Variants in ZC3H12B observed in about 807,000 individuals in gnomAD.
The protein encoded by ZC3H12B is zinc finger CCCH-type containing 12B.
ZC3H12B carries 7 observed loss-of-function variants against 43.9 expected under a neutral mutation model. The observed-to-expected ratio is 0.16, with a 90% CI of 0.09 to 0.30. ZC3H12B has a LOEUF of 0.30. Ranked by LOEUF, ZC3H12B falls within the 10% of genes least tolerant of loss-of-function variation. The pLI, the probability that ZC3H12B is intolerant of heterozygous loss-of-function variation, is 1.00. For missense variants in ZC3H12B, 475 were observed against 670.2 expected (o/e 0.71, Z 3.22); for synonymous variants, 222 against 241.7 (o/e 0.92, Z 0.76).
chrX:65,259,057 G>GA, the ZC3H12B span, among the ~76,000 whole-genome samples: 1 of 111,797 alleles, frequency 8.9e-6, no homozygotes, highest in South Asian at 3.7e-4. Context: ...TACAGAATTA[G>GA]AAAAAAATTA....
At chrX:65,059,983 A>T in the ZC3H12B span, among the ~76,000 whole-genome samples, 1 of 111,764 alleles carries the variant, frequency 8.9e-6, no homozygotes, top group South Asian at 3.7e-4. Flanking sequence ...GGCTATCGTA[A>T]ATGGATTACT....
the ZC3H12B span, among the ~76,000 whole-genome samples, chrX:65,143,243 G>GT: frequency 1.7e-4 from 19 of 110,745 alleles, no homozygotes; most frequent in Non-Finnish European, 3.0e-4. Flanking sequence ...TATTCTTAAG[G>GT]TTTTTTTGTT....
At chrX:65,125,814 C>T in the ZC3H12B span, among the ~76,000 whole-genome samples, 10 of 110,880 alleles carry the variant, frequency 9.0e-5, no homozygotes, top group African/African-American at 3.3e-4. Context: ...TGTCCATTTG[C>T]GTGGAATATC....
chrX:65,163,203 G>C, the ZC3H12B span, among the ~76,000 whole-genome samples: 1 of 111,506 alleles, frequency 9.0e-6, no homozygotes, highest in Admixed American at 9.5e-5. Flanking sequence ...CAGTTAGGTT[G>C]CTCGGGGGTC....
chrX:65,153,263 T>G, the ZC3H12B span, among the ~76,000 whole-genome samples: 1 of 111,762 alleles, frequency 8.9e-6, no homozygotes, highest in African/African-American at 3.2e-5. Flanking sequence ...AGCTTCTGCA[T>G]AGCAAAAGAA....
upstream of ZC3H12B, among the ~76,000 whole-genome samples, chrX:65,363,083 G>A (rs1272775619): frequency 9.0e-6 from 1 of 111,438 alleles, no homozygotes; most frequent in African/African-American, 3.3e-5. Flanking sequence ...CTGCTGCAAG[G>A]CTTCAGGGAC....
chrX:65,478,795 A>G (rs1412886588), intron 3 of ZC3H12B, among the ~76,000 whole-genome samples: 2 of 112,183 alleles, frequency 1.8e-5, no homozygotes, highest in Non-Finnish European at 3.8e-5. Context: ...GGGACTTTTC[A>G]GGTCTTCCAT....
the ZC3H12B span, among the ~76,000 whole-genome samples, chrX:65,120,318 T>G: frequency 9.0e-6 from 1 of 111,670 alleles, no homozygotes; most frequent in East Asian, 2.8e-4. Context: ...CCTCTTTTAT[T>G]TCATTGAGCA....
the ZC3H12B span, among the ~76,000 whole-genome samples, chrX:65,239,113 T>A: frequency 8.9e-6 from 1 of 112,001 alleles, no homozygotes. Flanking sequence ...AGAGGTGAGT[T>A]CAGATCCTGA....
chrX:65,054,233 T>A, the ZC3H12B span, among the ~76,000 whole-genome samples: 7 of 112,241 alleles, frequency 6.2e-5, no homozygotes, highest in East Asian at 1.7e-3. Context: ...AGAGTTTTTA[T>A]GGTTTTAGGT....
the ZC3H12B span, among the ~76,000 whole-genome samples, chrX:65,287,573 C>T: frequency 1.8e-5 from 2 of 110,397 alleles, no homozygotes; most frequent in East Asian, 2.8e-4. Flanking sequence ...TCAGCCTGCT[C>T]AACATAGTGA....
At chrX:65,230,004 A>G in the ZC3H12B span, among the ~76,000 whole-genome samples, 3 of 111,508 alleles carry the variant, frequency 2.7e-5, no homozygotes, top group Non-Finnish European at 5.7e-5. Flanking sequence ...AGAACTAGAA[A>G]TACCATTTGA....
chrX:65,285,107 A>AT, the ZC3H12B span, among the ~76,000 whole-genome samples: 5 of 105,842 alleles, frequency 4.7e-5, no homozygotes, highest in African/African-American at 1.9e-4. Flanking sequence ...TAGCAAGAGA[A>AT]TAATTATTAT....
At chrX:65,182,164 A>T in the ZC3H12B span, among the ~76,000 whole-genome samples, 1 of 111,655 alleles carries the variant, frequency 9.0e-6, no homozygotes, top group African/African-American at 3.3e-5. Context: ...AGAAAGCCAA[A>T]CACTGCTCAG....
At chrX:65,344,691 A>G in the ZC3H12B span, among the ~76,000 whole-genome samples, 1 of 112,588 alleles carries the variant, frequency 8.9e-6, no homozygotes, top group Non-Finnish European at 1.9e-5. Flanking sequence ...CCAAAAGTGA[A>G]TGCAATGAAA....
intron 3 of ZC3H12B, among the ~76,000 whole-genome samples, chrX:65,429,462 C>T (rs971912658): frequency 5.3e-5 from 6 of 112,647 alleles, no homozygotes; most frequent in African/African-American, 1.9e-4. Context: ...TGGCTGAAGC[C>T]CTGTCTGGGA....
intron 3 of ZC3H12B, among the ~76,000 whole-genome samples, chrX:65,421,364 T>A (rs972449658): frequency 8.9e-6 from 1 of 112,106 alleles, no homozygotes; most frequent in African/African-American, 3.2e-5. Flanking sequence ...GGCCAACCTA[T>A]GTACAGCCAC....
chrX:65,259,801 G>A, the ZC3H12B span, among the ~76,000 whole-genome samples: 2 of 111,509 alleles, frequency 1.8e-5, no homozygotes. Flanking sequence ...ATTTTCAATT[G>A]CAAAACCATG....
chrX:65,357,002 G>A, the ZC3H12B span: 1 of 513,601 alleles, frequency 1.9e-6, no homozygotes, highest in East Asian at 3.7e-5. Context: ...TGTATAAAAT[G>A]GATGTTGTTA....
Sources: gnomAD v4.1 joint callset for allele counts (sites outside exome capture counted in the v4.1 genomes callset) on GRCh38, gnomAD v4.1.1 for gene constraint, MANE v1.5 for transcripts, NCBI Gene and HGNC (gene_info 2026-07-23, HGNC 2026-07-21) for gene names.